CEMIP2: variants seen among roughly 807,000 people sequenced by gnomAD.
CEMIP2 encodes cell migration inducing hyaluronidase 2, also known as cell surface hyaluronidase CEMIP2.
Under a neutral mutation model 146.9 loss-of-function variants are expected in CEMIP2, and 79 were observed. The ratio of observed to expected loss-of-function variants is 0.54; its 90% CI spans 0.45 to 0.65. CEMIP2 has a LOEUF of 0.65. Among genes scored for constraint, CEMIP2 ranks in the 30% least tolerant of loss-of-function variants. The probability of loss-of-function intolerance (pLI) is 0.00; values close to 1 mark genes in which losing one functional copy is unlikely to be tolerated. For missense variants in CEMIP2, 1,596 were observed against 1,696.2 expected (o/e 0.94, Z 1.04); for synonymous variants, 601 against 606.3 (o/e 0.99, Z 0.13).
intron 10 of CEMIP2, among the ~76,000 whole-genome samples, chr9:71,729,452 T>A (rs1057314641): frequency 1.3e-5 from 2 of 151,882 alleles, no homozygotes; most frequent in Non-Finnish European, 2.9e-5. Context: ...ACCCCGTCTC[T>A]ACTAAAAATA....
chr9:71,720,480 T>C lies in CEMIP2; in HGVS notation c.2267+1947A>G, dbSNP rs371861862. On this transcript the variant is annotated intron_variant, in intron 12 of 23. Transcript: ENST00000377044. Reference sequence around the variant, plus strand: ...TAATTTTTTGTATTTTTAGAAGAGATGGGGCTTCACCGTGTTGGCCAGGCT... The same window carrying C: ...TAATTTTTTGTATTTTTAGAAGAGACGGGGCTTCACCGTGTTGGCCAGGCT... Among the ~76,000 whole-genome samples, 3 of 152,236 alleles carry C rather than the reference T, an allele frequency of 2.0e-5. No individual in the cohort carries two copies. The South Asian group carries it at 6.2e-4, about 32-fold the overall frequency.
At chr9:71,726,553 C>T (rs954388514) in intron 10 of CEMIP2, among the ~76,000 whole-genome samples, 7 of 152,086 alleles carry the variant, frequency 4.6e-5, no homozygotes, top group Non-Finnish European at 7.4e-5. Flanking sequence ...AGACTATTCT[C>T]AAATAATTCA....
chr9:71,710,068 G>C (rs1822863398), intron 16 of CEMIP2, among the ~76,000 whole-genome samples: 2 of 152,180 alleles, frequency 1.3e-5, no homozygotes, highest in Non-Finnish European at 2.9e-5. Context: ...TAGTATGGCT[G>C]AGTTATTGAT....
chr9:71,736,805 A>T (rs970225655), intron 5 of CEMIP2, among the ~76,000 whole-genome samples: 3 of 152,226 alleles, frequency 2.0e-5, no homozygotes, highest in African/African-American at 7.2e-5. Context: ...ATGACATTTC[A>T]AAAGATAGCT....
rs199779471 is a variant in CEMIP2 at position 71,700,705 on chromosome 9, T to A, written c.3314A>T (p.His1105Leu). Reference protein sequence around the residue: ...LSKIEEYEPVHSLEELQRKQS... With the variant: ...LSKIEEYEPVLSLEELQRKQS... ...CTTTCTTTGCAGTTCTTCCAGTGAA[T>A]GCACAGGCTCATATTCTTCGATTTT... Residue 1105 changes from histidine (H) to leucine (L), a missense_variant, in exon 19 of 24, where the codon CAT becomes CTT. Coordinates refer to ENST00000377044, the MANE Select transcript of CEMIP2 (RefSeq NM_013390.3). The A allele has an allele frequency of 7.4e-6, 12 of 1,613,208 alleles. No homozygotes were observed. The highest frequency in any genetic ancestry group is 1.0e-5 in the Non-Finnish European group (12 of 1,179,748).
At chr9:71,715,275 C>T (rs1384515354) in intron 14 of CEMIP2, among the ~76,000 whole-genome samples, 186 bp from the exon 15 acceptor site, 2 of 123,390 alleles carry the variant, frequency 1.6e-5, no homozygotes, top group African/African-American at 3.2e-5. Flanking sequence ...CAGGTTCTTG[C>T]TCTGTCACCC....
intron 1 of CEMIP2, among the ~76,000 whole-genome samples, chr9:71,750,872 G>A (rs952512787): frequency 3.3e-5 from 5 of 151,922 alleles, no homozygotes; most frequent in African/African-American, 9.7e-5. Flanking sequence ...TGAGCCTCCC[G>A]GGTAGCCAGG....
chr9:71,709,354 A>T lies in CEMIP2; in HGVS notation c.2890T>A (p.Tyr964Asn). ...AGGTAGTTGTCCATTCTTCCCACATAAGCATCCTTGTATCCTGTCACAGAG... is the reference window on the plus strand; with the variant it reads ...AGGTAGTTGTCCATTCTTCCCACATTAGCATCCTTGTATCCTGTCACAGAG... ...DGSVTGYKDA[Y>N]VGRMDNYLIR... Residue 964 changes from tyrosine (Y) to asparagine (N), a missense_variant, in exon 17 of 24, where the codon TAT becomes AAT. Coordinates refer to ENST00000377044, the MANE Select transcript of CEMIP2 (RefSeq NM_013390.3). 1 of 1,614,106 alleles carries T rather than the reference A, an allele frequency of 6.2e-7. No individual in the cohort carries two copies.
chr9:71,723,438 CA>C (rs1027956686), intron 11 of CEMIP2, among the ~76,000 whole-genome samples: 14 of 151,386 alleles, frequency 9.2e-5, no homozygotes, highest in African/African-American at 3.2e-4. Flanking sequence ...GACTCATGGC[CA>C]TACTAACAGT....
At chr9:71,755,857 T>C (rs12554142) in intron 1 of CEMIP2, among the ~76,000 whole-genome samples, 19,608 of 146,104 alleles carry the variant, frequency 0.13, 1,539 homozygotes, top group Admixed American at 0.19. Flanking sequence ...AGCTACTCAC[T>C]AGACTGAGGC....
intron 14 of CEMIP2, 88 bp downstream of exon 14, chr9:71,716,429 T>TA (rs1436233540): frequency 9.0e-7 from 1 of 1,110,406 alleles, no homozygotes; most frequent in African/African-American, 1.6e-5. Flanking sequence ...AAAAAAATAA[T>TA]AAAACATTCC....
chr9:71,750,291 A>G lies in CEMIP2; in HGVS notation c.83T>C (p.Val28Ala), dbSNP rs764960008. 8 of 1,613,796 alleles carry G rather than the reference A, an allele frequency of 5.0e-6. No individual in the cohort carries two copies. The East Asian group carries it at 1.8e-4, about 36-fold the overall frequency. The change falls in exon 2 of 24, where the codon GTT (valine) becomes GCT (alanine). Residue 28 changes from valine (V) to alanine (A), a missense_variant. By Grantham distance (64) the Val-to-Ala change is moderately conservative (BLOSUM62 0). Coordinates refer to ENST00000377044, the MANE Select transcript of CEMIP2 (RefSeq NM_013390.3). ...ACGCAATGGGACAACCTTCCCTGGAACATAGCCAGATGGGTGACGACTATT... is the reference window on the plus strand; with the variant it reads ...ACGCAATGGGACAACCTTCCCTGGAGCATAGCCAGATGGGTGACGACTATT... Reference protein sequence around the residue: ...NGNSRHPSGYVPGKVVPLRPP... With the variant: ...NGNSRHPSGYAPGKVVPLRPP...
chr9:71,695,033 G>A (rs1053200707), intron 20 of CEMIP2, among the ~76,000 whole-genome samples: 7 of 152,164 alleles, frequency 4.6e-5, no homozygotes, highest in African/African-American at 1.7e-4. Flanking sequence ...TACTAACTTT[G>A]AACATGAGCA....
intron 17 of CEMIP2, among the ~76,000 whole-genome samples, chr9:71,707,360 C>T (rs1272400367): frequency 6.6e-6 from 1 of 150,566 alleles, no homozygotes; most frequent in African/African-American, 2.4e-5. Flanking sequence ...TTTATTTTTG[C>T]TCATGGAAAT....
At chr9:71,768,628 A>T (rs1824876560), upstream of CEMIP2, 1 of 151,922 alleles carries the variant, frequency 6.6e-6, no homozygotes, top group East Asian at 2.0e-4. Context: ...CCTCGGGGGC[A>T]GGGGCCTCGG....
intron 1 of CEMIP2, among the ~76,000 whole-genome samples, chr9:71,755,961 C>CA (rs55972127): frequency 0.12 from 6,372 of 52,524 alleles, 1,425 homozygotes; most frequent in African/African-American, 0.21. Flanking sequence ...CTCTGTCTCA[C>CA]AAAAAAAAAA....
chr9:71,740,298 A>AT, intron 4 of CEMIP2, 66 bp from the exon 5 acceptor site: 1 of 1,564,986 alleles, frequency 6.4e-7, no homozygotes, highest in Non-Finnish European at 8.7e-7. Flanking sequence ...CCTGACAAAG[A>AT]TGTTATTACA....
chr9:71,694,717 G>A, intron 20 of CEMIP2, 110 bp from the exon 21 acceptor site: 1 of 689,374 alleles, frequency 1.5e-6, no homozygotes. Context: ...TTCTTATTCT[G>A]AACTTTTTGT....
Position 71,756,191 on chromosome 9 carries a change from C to CTAGATAGATAGA in CEMIP2, c.-12-5818_-12-5807dup, listed in dbSNP as rs144371815. Among the ~76,000 whole-genome samples the CTAGATAGATAGA allele has an allele frequency of 2.3e-3, 296 of 128,492 alleles. 4 individuals carry two copies. The highest frequency in any genetic ancestry group is 8.7e-3 in the Middle Eastern group (2 of 230). The allele number at this position is 128,492 out of a possible 152,430, so 84.3% of individuals were successfully genotyped here. A position where few individuals can be genotyped will look rare whatever the true frequency, so the allele number is the denominator to read the frequency against. ...CCTGCCAAGGAATTAAGCAAAAATG[C>CTAGATAGATAGA]TAGATAGATAGATAGATAGATAGGC... is the stretch of plus-strand genomic sequence containing the variant. On this transcript the variant is annotated intron_variant, in intron 1 of 23. Coordinates refer to ENST00000377044, the MANE Select transcript of CEMIP2 (RefSeq NM_013390.3).
Sources: gnomAD v4.1 joint callset for allele counts (sites outside exome capture counted in the v4.1 genomes callset) on GRCh38, gnomAD v4.1.1 for gene constraint, MANE v1.5 for transcripts, NCBI Gene and HGNC (gene_info 2026-07-23, HGNC 2026-07-21) for gene names.